Variants in DNER observed in about 807,000 individuals in gnomAD.
DNER encodes delta and Notch-like epidermal growth factor-related receptor.
In DNER, 33 loss-of-function variants were observed where a neutral mutation model predicts 78.2. The observed-to-expected ratio is 0.42, with a 90% confidence interval of 0.32 to 0.56. The LOEUF (loss-of-function observed/expected upper bound fraction) is 0.56. Ranked by LOEUF, DNER falls within the 20% of genes least tolerant of loss-of-function variation. The probability of loss-of-function intolerance (pLI) is 0.11; values close to 1 mark genes in which losing one functional copy is unlikely to be tolerated. For synonymous variants in DNER, 417 were observed against 384.8 expected, an observed-to-expected ratio of 1.08 and a Z score of -0.98; for missense variants, 918 against 975.3, an observed-to-expected ratio of 0.94 and a Z score of 0.78.
rs1455885463 is a variant in DNER at position 229,711,536 on chromosome 2, T to G, written c.276+2612A>C. On this transcript the variant is annotated intron_variant, in intron 1 of 12. Coordinates refer to ENST00000341772, the MANE Select transcript of DNER (RefSeq NM_139072.4). The stretch of plus-strand genomic sequence containing the variant: ...GCCAACCACAGAAAAGCTAAAGACA[T>G]CCTTTTTTAAAAAAGCCTAAAGACA... Among the ~76,000 whole-genome samples, 4 of 152,100 alleles carry G rather than the reference T, an allele frequency of 2.6e-5. 1 individual carries two copies. Among genetic ancestry groups the G allele is most frequent in the African/African-American group, 4.8e-5 (2 of 41,416 alleles).
rs557365714 is a variant in DNER, at chr2:229,393,842, G to A, written c.1724-5446C>T. On this transcript the variant is annotated intron_variant, in intron 10 of 12. Coordinates refer to ENST00000341772, the MANE Select transcript of DNER (RefSeq NM_139072.4). ...AGCCTGGGCAACAGAGCGAGACTCC[G>A]TCTCAAAACAAAAACAAAAACAAAA... is the stretch of plus-strand genomic sequence containing the variant. Among the ~76,000 whole-genome samples, 81 of 151,488 alleles carry A rather than the reference G, an allele frequency of 5.3e-4. 1 individual carries two copies. The highest frequency in any genetic ancestry group is 1.5e-3 in the African/African-American group (63 of 40,882).
At chr2:229,413,203 A>C (rs1693561435) in intron 9 of DNER, among the ~76,000 whole-genome samples, 1 of 151,568 alleles carries the variant, frequency 6.6e-6, no homozygotes, top group Non-Finnish European at 1.5e-5. Context: ...AGTTTTGGTT[A>C]TCTGTCCATT....
chr2:229,609,925 A>G (rs1698013125), intron 1 of DNER, among the ~76,000 whole-genome samples: 1 of 152,220 alleles, frequency 6.6e-6, no homozygotes, highest in Non-Finnish European at 1.5e-5. Flanking sequence ...GATTCAGCCC[A>G]TTGGCTAGAA....
At chr2:229,502,192 T>C (rs890179821) in intron 6 of DNER, among the ~76,000 whole-genome samples, 1 of 152,186 alleles carries the variant, frequency 6.6e-6, no homozygotes, top group Non-Finnish European at 1.5e-5. Flanking sequence ...CTATGAAGAT[T>C]TGAGGGGTGC....
At chr2:229,559,650 G>A (rs1048324035) in intron 4 of DNER, among the ~76,000 whole-genome samples, 1 of 151,558 alleles carries the variant, frequency 6.6e-6, no homozygotes, top group African/African-American at 2.4e-5. Flanking sequence ...AGGAAGGAGG[G>A]AGGAGGAAAA....
At chr2:229,430,666 C>T (rs1385552983) in intron 8 of DNER, among the ~76,000 whole-genome samples, 3 of 146,628 alleles carry the variant, frequency 2.0e-5, no homozygotes, top group South Asian at 2.2e-4. Context: ...ACCTTGTGAT[C>T]GTGTGACTTA....
In DNER at chr2:229,436,704, A is replaced by G. The variant is rs538353885; in HGVS notation, c.1486+10612T>C. Among the ~76,000 whole-genome samples, 9 of 152,374 alleles carry G rather than the reference A, an allele frequency of 5.9e-5. No individual in the cohort carries two copies. The East Asian group carries it at 1.7e-3, about 29-fold the overall frequency. On this transcript the variant is annotated intron_variant, in intron 8 of 12. Transcript: ENST00000341772. ...TCCATGTCCAGCCAATCTAAGCTTCATAAGCAAAGGAGAAATAAGATGCTT... is the reference window on the plus strand; with the variant it reads ...TCCATGTCCAGCCAATCTAAGCTTCGTAAGCAAAGGAGAAATAAGATGCTT...
chr2:229,520,893 T>C (rs1319543195), intron 5 of DNER, among the ~76,000 whole-genome samples: 1 of 152,172 alleles, frequency 6.6e-6, no homozygotes, highest in East Asian at 1.9e-4. Context: ...ACAACATAAA[T>C]CACATAATAG....
intron 1 of DNER, among the ~76,000 whole-genome samples, chr2:229,613,969 T>C (rs112458370): frequency 9.9e-5 from 14 of 141,432 alleles, no homozygotes; most frequent in African/African-American, 3.7e-4. Context: ...AGATGGGAAT[T>C]GAACAATGAG....
At chr2:229,681,474 CA>C (rs1699385879) in intron 1 of DNER, among the ~76,000 whole-genome samples, 1 of 152,124 alleles carries the variant, frequency 6.6e-6, no homozygotes, top group African/African-American at 2.4e-5. Context: ...CAATTATGCT[CA>C]AAATAAGGAG....
At chr2:229,408,955 C>G (rs1027308811) in intron 9 of DNER, among the ~76,000 whole-genome samples, 2 of 152,194 alleles carry the variant, frequency 1.3e-5, no homozygotes, top group African/African-American at 2.4e-5. Context: ...CCCACTGCCT[C>G]GTGCCTGGTG....
At chr2:229,499,548 A>C (rs904199959) in intron 6 of DNER, among the ~76,000 whole-genome samples, 2 of 151,888 alleles carry the variant, frequency 1.3e-5, no homozygotes, top group East Asian at 1.9e-4. Context: ...ATGAAATTGG[A>C]CTCTGATCTC....
chr2:229,455,171 C>A (rs1443867990), intron 7 of DNER, among the ~76,000 whole-genome samples: 1 of 152,112 alleles, frequency 6.6e-6, no homozygotes, highest in Non-Finnish European at 1.5e-5. Flanking sequence ...AAATGACTCA[C>A]ATCTCCTTCA....
At chr2:229,522,761 CT>C (rs1696126930) in intron 5 of DNER, among the ~76,000 whole-genome samples, 1 of 152,220 alleles carries the variant, frequency 6.6e-6, no homozygotes, top group Non-Finnish European at 1.5e-5. Flanking sequence ...GCAGTGGTGA[CT>C]CTTCCTAAAG....
chr2:229,370,361 C>G (rs1268807278), intron 11 of DNER, among the ~76,000 whole-genome samples: 1 of 152,184 alleles, frequency 6.6e-6, no homozygotes, highest in Non-Finnish European at 1.5e-5. Context: ...ACCTTTGAAG[C>G]CTGGTTTGTC....
chr2:229,681,334 C>T (rs1328196412), intron 1 of DNER, among the ~76,000 whole-genome samples: 3 of 152,172 alleles, frequency 2.0e-5, no homozygotes, highest in African/African-American at 4.8e-5. Context: ...GGATCTCAAA[C>T]ATTCCATCCC....
chr2:229,591,713 C>T lies in DNER; in HGVS notation c.452G>A (p.Arg151Gln), dbSNP rs759503890. ...AGTAGCAGGAACAGGCTGAAGCTGT[C>T]GGGGTGCCATGGATTCGGTCCAGCC... The part of the protein sequence containing the change: ...ATGWTESMAP[R>Q]QLQPVPATQE... Residue 151 changes from arginine (R) to glutamine (Q), a missense_variant, in exon 2 of 13, where the codon CGA becomes CAA. Transcript: ENST00000341772. This position sits in a 1 kb window ranked among gnomAD's most constrained non-coding sequence, Gnocchi z 4.6. The T allele has an allele frequency of 6.8e-5, 109 of 1,614,038 alleles. 1 individual carries two copies. In the Admixed American group the frequency reaches 8.7e-4, roughly 13 times the overall value.
chr2:229,688,941 A>G (rs1699526914), intron 1 of DNER, among the ~76,000 whole-genome samples: 1 of 152,198 alleles, frequency 6.6e-6, no homozygotes, highest in South Asian at 2.1e-4. Flanking sequence ...CTGAGAAATA[A>G]GAACATATGG....
chr2:229,399,515 T>C (rs991393439), intron 10 of DNER, among the ~76,000 whole-genome samples: 1 of 152,084 alleles, frequency 6.6e-6, no homozygotes, highest in Admixed American at 6.5e-5. Context: ...CAAAATCTTT[T>C]GTAGGTATAG....
Sources: allele counts gnomAD v4.1 joint callset (sites outside exome capture counted in the v4.1 genomes callset), GRCh38; gene constraint gnomAD v4.1.1; non-coding constraint Gnocchi (gnomAD v3.1); transcripts MANE v1.5; gene names NCBI Gene and HGNC (gene_info 2026-07-23, HGNC 2026-07-21).